The following CC2D2A variants were observed in gnomAD, a reference collection of about 807,000 sequenced individuals.
CC2D2A encodes coiled-coil and C2 domain-containing protein 2A.
In CC2D2A, 155 loss-of-function variants were observed where a neutral mutation model predicts 212.9. The ratio of observed to expected loss-of-function variants is 0.73; its 90% CI spans 0.64 to 0.83. CC2D2A has a LOEUF of 0.83. CC2D2A is among the 40% of genes least tolerant of loss of function. CC2D2A has a pLI of 0.00. For synonymous variants in CC2D2A, 667 were observed against 686.5 expected, an observed-to-expected ratio of 0.97 and a Z score of 0.44; for missense variants, 1,856 against 1,956.2, an observed-to-expected ratio of 0.95 and a Z score of 0.97.
intron 20 of CC2D2A, among the ~76,000 whole-genome samples, chr4:15,555,958 A>G (rs1719257269): frequency 6.6e-6 from 1 of 152,178 alleles, no homozygotes; most frequent in South Asian, 2.1e-4. Flanking sequence ...TTTTTTCATC[A>G]CAACTTAAAG....
At chr4:15,478,893 G>A (rs1714422443) in intron 3 of CC2D2A, 87 bp downstream of exon 3, 3 of 1,132,540 alleles carry the variant, frequency 2.6e-6, no homozygotes, top group South Asian at 2.7e-5. Flanking sequence ...ATCCACAAGG[G>A]CAGCCTTCCT....
intron 32 of CC2D2A, 118 bp from the exon 33 acceptor site, chr4:15,589,427 A>G (rs1720993202): frequency 1.1e-6 from 1 of 915,370 alleles, no homozygotes; most frequent in African/African-American, 1.7e-5. Context: ...TTCACCATTA[A>G]CCATGAAATT....
Position 15,580,134 on chromosome 4 carries a change from T to G in CC2D2A, c.3938T>G (p.Leu1313Arg). ...AAACCTTTAAACCCTCCTCAGGAGC[T>G]CCTTAATGTCTACCCCAATAATCTA... is the stretch of plus-strand genomic sequence containing the variant. Reference protein sequence around the residue: ...YLKPLNPPQELLNVYPNNLQA... With the variant: ...YLKPLNPPQERLNVYPNNLQA... The change falls in exon 30 of 37, where the codon CTC becomes CGC. Residue 1313 changes from leucine to arginine, a missense_variant. By Grantham distance (102) the Leu-to-Arg change is moderately radical (BLOSUM62 -2). Around this residue, in one of 5 missense-constraint regions of CC2D2A, gnomAD observed 20 missense variants for 46.9 expected, o/e 0.43. Transcript: ENST00000424120. 1.9e-6 allele frequency: 3 copies of G among 1,613,908 alleles called. No homozygotes were observed. The highest frequency in any genetic ancestry group is 1.7e-6 in the Non-Finnish European group (2 of 1,179,850).
chr4:15,570,603 C>T lies in CC2D2A; in HGVS notation c.3594+107C>T. 4 of 694,420 alleles carry T rather than the reference C, an allele frequency of 5.8e-6. No homozygotes were observed. The South Asian group carries it at 6.9e-5, about 12-fold the overall frequency. 43.0% of individuals were successfully genotyped at this position (694,420 alleles called of 1,614,324 possible). On this transcript the variant is annotated intron_variant, in intron 28 of 36. Coordinates refer to ENST00000424120, the MANE Select transcript of CC2D2A (RefSeq NM_001378615.1). ...GGCGCGGTGGCTCATGCCTGTAATC[C>T]CAGCACTTTGGGAGGCCAAGGAGGG...
intron 17 of CC2D2A, among the ~76,000 whole-genome samples, chr4:15,542,253 C>G (rs191157062): frequency 3.6e-4 from 55 of 152,316 alleles, no homozygotes; most frequent in African/African-American, 1.1e-3. Flanking sequence ...TAACCCATTA[C>G]AGTGTCTTCA....
chr4:15,582,397 C>T (rs1720700326), intron 30 of CC2D2A, among the ~76,000 whole-genome samples: 1 of 151,424 alleles, frequency 6.6e-6, no homozygotes, highest in African/African-American at 2.4e-5. Flanking sequence ...CTTAAAAATG[C>T]AAAAGATCAA....
chr4:15,561,723 G>C (rs1719611932), intron 23 of CC2D2A: 1 of 152,170 alleles, frequency 6.6e-6, no homozygotes, highest in Non-Finnish European at 1.5e-5. Context: ...AAGTCTCAGG[G>C]AGGACTTACC....
chr4:15,550,672 A>G lies in CC2D2A; in HGVS notation c.2182-152A>G, dbSNP rs2041672. The G allele has an allele frequency of 0.13, 62,120 of 474,808 alleles. 4,468 individuals carry two copies. The highest frequency in any genetic ancestry group is 0.14 in the Non-Finnish European group (40,159 of 280,646). The allele number at this position is 474,808 out of a possible 1,614,324, so 29.4% of individuals were successfully genotyped here. A position where few individuals can be genotyped will look rare whatever the true frequency, so the allele number is the denominator to read the frequency against. On this transcript the variant is annotated intron_variant, in intron 17 of 36. Coordinates refer to ENST00000424120, the MANE Select transcript of CC2D2A (RefSeq NM_001378615.1). Reference sequence around the variant, plus strand: ...TTGTAAGCTCATCTCCATGGAAACCATATAGTAACACAACTCAACTTTCCA... The same window carrying G: ...TTGTAAGCTCATCTCCATGGAAACCGTATAGTAACACAACTCAACTTTCCA...
intron 8 of CC2D2A, among the ~76,000 whole-genome samples, chr4:15,513,171 C>T (rs1716670529): frequency 6.6e-6 from 1 of 152,210 alleles, no homozygotes; most frequent in Admixed American, 6.5e-5. Flanking sequence ...CTATAACAAT[C>T]ATTCTACAAA....
rs1714405224 is a variant in CC2D2A at position 15,478,720 on chromosome 4, A to C, written c.40-3A>C. 1 of 1,551,494 alleles carries C rather than the reference A, an allele frequency of 6.4e-7. No individual in the cohort carries two copies. On this transcript the variant is annotated splice_polypyrimidine_tract_variant and splice_region_variant and intron_variant, in intron 2 of 36. Coordinates refer to ENST00000424120, the MANE Select transcript of CC2D2A (RefSeq NM_001378615.1). ...ATTCTCTCCCTTTTGCATTTTCACA[A>C]AGGAGTTCATTGAAAATGATGAGGA...
In CC2D2A at chr4:15,518,898, G is replaced by C. The variant is rs1717037748; in HGVS notation, c.1149+2142G>C. The stretch of plus-strand genomic sequence containing the variant: ...TAAGAAAACATTTTTTTCCTCCTAG[G>C]CCTTCAGGCCTGTGATGGGAGGGGA... On this transcript the variant is annotated intron_variant, in intron 11 of 36. Coordinates refer to ENST00000424120, the MANE Select transcript of CC2D2A (RefSeq NM_001378615.1). Among the ~76,000 whole-genome samples the C allele has an allele frequency of 3.9e-5, 6 of 152,314 alleles. No individual in the cohort carries two copies. In the South Asian group the frequency reaches 1.2e-3, roughly 32 times the overall value.
Position 15,574,053 on chromosome 4 carries a change from T to G in CC2D2A, c.3595-97T>G, listed in dbSNP as rs557007052. The G allele has an allele frequency of 1.6e-5, 16 of 1,003,780 alleles. No individual in the cohort carries two copies. In the African/African-American group the frequency reaches 1.6e-4, roughly 10 times the overall value. 62.2% of individuals were successfully genotyped at this position (1,003,780 alleles called of 1,614,324 possible). A position where few individuals can be genotyped will look rare whatever the true frequency, so the allele number is the denominator to read the frequency against. ...CTTTGAATGCCAGTCTGAGCAATTT[T>G]GGTTCAATTTATTAAACAATGAGGA... On this transcript the variant is annotated intron_variant, in intron 28 of 36. Transcript: ENST00000424120.
chr4:15,531,296 C>T (rs1052217297), intron 13 of CC2D2A, among the ~76,000 whole-genome samples: 1 of 152,166 alleles, frequency 6.6e-6, no homozygotes, highest in Admixed American at 6.5e-5. Flanking sequence ...GACACCATCC[C>T]CACGCATTGC....
chr4:15,512,753 A>C (rs1577337874), intron 8 of CC2D2A, among the ~76,000 whole-genome samples: 1 of 152,118 alleles, frequency 6.6e-6, no homozygotes, highest in East Asian at 1.9e-4. Context: ...GGAGTTCACG[A>C]CCAGGCTTGG....
chr4:15,500,097 G>GTATATATA (rs1487111003), intron 4 of CC2D2A, among the ~76,000 whole-genome samples: 15 of 53,012 alleles, frequency 2.8e-4, no homozygotes, highest in Non-Finnish European at 1.5e-4. Flanking sequence ...GTGTGTGTGT[G>GTATATATA]TGTGTGTGTG....
At chr4:15,471,843 GT>G (rs1713851842) in intron 1 of CC2D2A, among the ~76,000 whole-genome samples, 1 of 152,142 alleles carries the variant, frequency 6.6e-6, no homozygotes, top group Non-Finnish European at 1.5e-5. Flanking sequence ...GAGATGCGTT[GT>G]ATCTCAACCT....
At chr4:15,541,228 A>G (rs2109039299) in intron 17 of CC2D2A, among the ~76,000 whole-genome samples, 1 of 151,914 alleles carries the variant, frequency 6.6e-6, no homozygotes, top group African/African-American at 2.4e-5. Flanking sequence ...CTGAGGCAGG[A>G]GAATCTCTTG....
intron 16 of CC2D2A, among the ~76,000 whole-genome samples, chr4:15,540,276 C>G (rs942243648): frequency 1.3e-5 from 2 of 151,400 alleles, no homozygotes; most frequent in African/African-American, 2.4e-5. Flanking sequence ...AATTAAAGAC[C>G]AATGGGAGGT....
chr4:15,489,559 C>T (rs1715187972), intron 4 of CC2D2A, among the ~76,000 whole-genome samples: 1 of 152,124 alleles, frequency 6.6e-6, no homozygotes, highest in South Asian at 2.1e-4. Flanking sequence ...GTACTCAAAG[C>T]CCCAATTCCC....
Sources: gnomAD v4.1 joint callset for allele counts (sites outside exome capture counted in the v4.1 genomes callset) on GRCh38, gnomAD v4.1.1 for gene constraint, gnomAD v4.1.1 regional missense constraint, MANE v1.5 for transcripts, NCBI Gene and HGNC (gene_info 2026-07-23, HGNC 2026-07-21) for gene names.